The following CTNNA1 variants were observed in gnomAD, a reference collection of about 807,000 sequenced individuals.
CTNNA1 encodes the protein catenin alpha-1.
In CTNNA1, 37 loss-of-function variants were observed where a neutral mutation model predicts 98.4. That is an observed-to-expected ratio of 0.38 (90% CI 0.29 to 0.49). The LOEUF (loss-of-function observed/expected upper bound fraction) is 0.49, where lower values mean the gene tolerates loss of function less well. Among genes scored for constraint, CTNNA1 ranks in the 20% least tolerant of loss-of-function variants. The pLI is 0.95. For missense variants in CTNNA1, 761 were observed against 1,147.2 expected, an observed-to-expected ratio of 0.66 and a Z score of 4.86; for synonymous variants, 404 against 413.2, an observed-to-expected ratio of 0.98 and a Z score of 0.27.
intron 7 of CTNNA1, chr5:138,870,327 A>G (rs1445792493): frequency 6.6e-6 from 1 of 152,238 alleles, no homozygotes; most frequent in Non-Finnish European, 1.5e-5. Context: ...TCTACAGGCA[A>G]TTAAAAAGGG....
At chr5:138,895,731 A>G (rs1444504965) in intron 9 of CTNNA1, among the ~76,000 whole-genome samples, 1 of 152,188 alleles carries the variant, frequency 6.6e-6, no homozygotes, top group Admixed American at 6.5e-5. Context: ...TATATAATGT[A>G]TATATTTTTT....
chr5:138,852,760 A>G (rs1025851454), intron 7 of CTNNA1, among the ~76,000 whole-genome samples: 1 of 151,624 alleles, frequency 6.6e-6, no homozygotes, highest in Non-Finnish European at 1.5e-5. Context: ...CTCTCTCCAC[A>G]TTCCACATCC....
intron 7 of CTNNA1, among the ~76,000 whole-genome samples, chr5:138,839,993 T>G (rs1223862026): frequency 1.3e-5 from 2 of 152,192 alleles, no homozygotes. Flanking sequence ...GATCAAGTAA[T>G]GTAATCTCCC....
chr5:138,911,028 C>T lies in CTNNA1; in HGVS notation c.1389+6587C>T, dbSNP rs1760503439. Among the ~76,000 whole-genome samples, 4 of 152,132 alleles carry T rather than the reference C, an allele frequency of 2.6e-5. No homozygotes were observed. In the South Asian group the frequency reaches 8.3e-4, roughly 32 times the overall value. The stretch of plus-strand genomic sequence containing the variant: ...CCAAGACACAGTGACTACTTGAGCC[C>T]AGGAATTCTAGAACAGCCTGAGCAA... On this transcript the variant is annotated intron_variant, in intron 10 of 17. Transcript: ENST00000302763.
At chr5:138,921,596 ATTTTTTTT>A (rs386405098) in intron 11 of CTNNA1, among the ~76,000 whole-genome samples, 2 of 104,048 alleles carry the variant, frequency 1.9e-5, no homozygotes, top group East Asian at 2.6e-4. Flanking sequence ...ATTAGTGGTG[ATTTTTTTT>A]TTTTTTTTTT....
intron 16 of CTNNA1, among the ~76,000 whole-genome samples, chr5:138,931,492 C>T (rs1009169865): frequency 6.6e-6 from 1 of 152,240 alleles, no homozygotes; most frequent in Non-Finnish European, 1.5e-5. Flanking sequence ...CTCTCAGCCT[C>T]ATCTAGGCCA....
chr5:138,895,574 G>A (rs1756603830), intron 9 of CTNNA1, among the ~76,000 whole-genome samples: 1 of 151,996 alleles, frequency 6.6e-6, no homozygotes, highest in Non-Finnish European at 1.5e-5. Context: ...ATTTGAGGGA[G>A]AAGAAAATTG....
chr5:138,833,901 A>G (rs544313023), intron 7 of CTNNA1, among the ~76,000 whole-genome samples: 69 of 152,308 alleles, frequency 4.5e-4, no homozygotes, highest in African/African-American at 1.6e-3. Flanking sequence ...TAGGATCCCA[A>G]AAGAAGAATG....
At chr5:138,924,283 T>TTG (rs1428702319) in intron 11 of CTNNA1, among the ~76,000 whole-genome samples, 2 of 75,796 alleles carry the variant, frequency 2.6e-5, no homozygotes, top group Non-Finnish European at 6.3e-5. Flanking sequence ...TTATTTTTTG[T>TTG]TTTTTTTTTT....
intron 9 of CTNNA1, among the ~76,000 whole-genome samples, chr5:138,898,566 C>T (rs974274303): frequency 1.3e-5 from 2 of 150,930 alleles, no homozygotes; most frequent in Non-Finnish European, 2.9e-5. Flanking sequence ...TGCACCACTG[C>T]ACTCCAGCCT....
intron 14 of CTNNA1, among the ~76,000 whole-genome samples, chr5:138,929,953 T>TC (rs771823225): frequency 6.6e-6 from 1 of 152,108 alleles, no homozygotes; most frequent in Non-Finnish European, 1.5e-5. Flanking sequence ...AGGGAGGAGC[T>TC]CCCCAGCCGT....
At chr5:138,757,774 T>C (rs911927658) in intron 1 of CTNNA1, among the ~76,000 whole-genome samples, 35 of 152,248 alleles carry the variant, frequency 2.3e-4, no homozygotes, top group African/African-American at 7.7e-4. Context: ...GAGGGCAAAT[T>C]AGATGCTTGT....
intron 7 of CTNNA1, among the ~76,000 whole-genome samples, chr5:138,831,940 A>G (rs116058219): frequency 0.012 from 1,783 of 152,314 alleles, 30 homozygotes; most frequent in African/African-American, 0.041. Flanking sequence ...AAAAAACCAA[A>G]GACCTTTACC....
At position 138,927,393 on chromosome 5, in the gene CTNNA1, C is replaced by T. The variant is rs1561765056; in HGVS notation, c.1900-1853C>T. The stretch of plus-strand genomic sequence containing the variant: ...GTGACATGGGGGCAGTGAGCTAAGC[C>T]CCCCTTCTGTGGCCTCCTTGCTATT... On this transcript the variant is annotated intron_variant, in intron 13 of 17. Transcript: ENST00000302763. Among the ~76,000 whole-genome samples the T allele has an allele frequency of 5.3e-5, 8 of 152,164 alleles. No individual in the cohort carries two copies. The South Asian group carries it at 1.7e-3, about 32-fold the overall frequency.
chr5:138,763,874 G>A (rs1442565622), intron 1 of CTNNA1, among the ~76,000 whole-genome samples: 1 of 90,518 alleles, frequency 1.1e-5, no homozygotes, highest in Non-Finnish European at 2.6e-5. Flanking sequence ...GCTTTGGACT[G>A]ACTTTTAAGT....
Position 138,934,008 on chromosome 5 carries a change from C to G in CTNNA1, c.2640C>G (p.Thr880=). Residue 880 remains threonine (T), a synonymous_variant, in exon 18 of 18, where the codon ACC becomes ACG. Coordinates refer to ENST00000302763, the MANE Select transcript of CTNNA1 (RefSeq NM_001903.5). ...VKREKQDETQ[T]KIKRASQKKH... is the part of the protein sequence containing the mutation. The stretch of plus-strand genomic sequence containing the variant: ...GAGAGAAACAGGATGAGACACAGAC[C>G]AAGATTAAACGGGCATCTCAGAAGA... 6.2e-7 allele frequency: 1 copy of G among 1,613,984 alleles called. No homozygotes were observed. Among genetic ancestry groups the G allele is most frequent in the Non-Finnish European group, 8.5e-7 (1 of 1,179,982 alleles).
At chr5:138,896,236 T>C (rs1355033004) in intron 9 of CTNNA1, among the ~76,000 whole-genome samples, 1 of 151,934 alleles carries the variant, frequency 6.6e-6, no homozygotes, top group Non-Finnish European at 1.5e-5. Context: ...TGGATCTTTA[T>C]TATTTTTTGA....
intron 6 of CTNNA1, among the ~76,000 whole-genome samples, chr5:138,825,969 A>G (rs190360034): frequency 3.7e-4 from 56 of 152,306 alleles, no homozygotes; most frequent in Non-Finnish European, 3.1e-4. Context: ...TATCTACCAG[A>G]AGCTACTTAA....
At chr5:138,801,657 C>T (rs1232814033) in intron 3 of CTNNA1, among the ~76,000 whole-genome samples, 1 of 152,192 alleles carries the variant, frequency 6.6e-6, no homozygotes, top group Non-Finnish European at 1.5e-5. Context: ...TGATAGTTCC[C>T]TGCAAATCTG....
Sources: gnomAD v4.1 joint callset for allele counts (sites outside exome capture counted in the v4.1 genomes callset) on GRCh38, gnomAD v4.1.1 for gene constraint, MANE v1.5 for transcripts, NCBI Gene and HGNC (gene_info 2026-07-23, HGNC 2026-07-21) for gene names.